Variants in EXOC3 observed in about 807,000 individuals in gnomAD.
The protein encoded by EXOC3 is SEC6-like 1.
In EXOC3, 21 loss-of-function variants were observed where a neutral mutation model predicts 73.7. The observed-to-expected ratio is 0.29, with a 90% confidence interval of 0.20 to 0.41. The LOEUF is 0.41. EXOC3 is among the 10% of genes least tolerant of loss of function. The pLI is 1.00. For missense variants in EXOC3, 842 were observed against 985.1 expected (o/e 0.85, Z 1.95); for synonymous variants, 410 against 389.1 (o/e 1.05, Z -0.63).
Position 465,196 on chromosome 5 carries a change from A to G in EXOC3, c.1862A>G (p.Glu621Gly), listed in dbSNP as rs779952402. The G allele has an allele frequency of 1.5e-5, 24 of 1,594,374 alleles. No individual in the cohort carries two copies. In the African/African-American group the frequency reaches 2.9e-4, roughly 20 times the overall value. Residue 621 changes from glutamate to glycine, a missense_variant, in exon 11 of 13, where the codon GAG (glutamate) becomes GGG (glycine). Glu to Gly is a moderately conservative substitution (Grantham distance 98). Transcript: ENST00000512944. Reference protein sequence around the residue: ...MQKRISFRSPEERKEGAEKMV... With the variant: ...MQKRISFRSPGERKEGAEKMV... Reference sequence around the variant, plus strand: ...AAGCGCATTTCCTTCCGGAGCCCGGAGGAGCGCAAGGAGGGTGCCGAGAAG... The same window carrying G: ...AAGCGCATTTCCTTCCGGAGCCCGGGGGAGCGCAAGGAGGGTGCCGAGAAG...
chr5:463,720 A>C (rs562640040), intron 9 of EXOC3, among the ~76,000 whole-genome samples: 3 of 152,342 alleles, frequency 2.0e-5, no homozygotes, highest in African/African-American at 7.2e-5. Context: ...TAATGTGTAT[A>C]CTTTTTGACT....
chr5:465,175 G>A lies in EXOC3; in HGVS notation c.1841G>A (p.Arg614His). 3 of 1,596,710 alleles carry A rather than the reference G, an allele frequency of 1.9e-6. No individual in the cohort carries two copies. Among genetic ancestry groups the A allele is most frequent in the Non-Finnish European group, 1.7e-6 (2 of 1,172,134 alleles). The change falls in exon 11 of 13, where the codon CGC (arginine) becomes CAC (histidine). Residue 614 changes from arginine to histidine, a missense_variant. Arg to His is a conservative substitution (Grantham distance 29). Transcript: ENST00000512944. ...TACCTGCGGGCGGTCATGCAGAAGCGCATTTCCTTCCGGAGCCCGGAGGAG... is the reference window on the plus strand; with the variant it reads ...TACCTGCGGGCGGTCATGCAGAAGCACATTTCCTTCCGGAGCCCGGAGGAG... Reference protein sequence around the residue: ...VEYLRAVMQKRISFRSPEERK... With the variant: ...VEYLRAVMQKHISFRSPEERK...
At chr5:452,240 C>T (rs1114664) in intron 3 of EXOC3, among the ~76,000 whole-genome samples, 69,260 of 152,046 alleles carry the variant, frequency 0.46, 16,750 homozygotes, top group African/African-American at 0.63. Flanking sequence ...CTTTCTGTTC[C>T]GGATACTTGA....
intron 12 of EXOC3, 92 bp downstream of exon 12, chr5:465,937 T>G: frequency 1.4e-6 from 2 of 1,434,842 alleles, no homozygotes; most frequent in Admixed American, 2.1e-5. Flanking sequence ...GGCTCCTGGT[T>G]CGCAAGTTCA....
At chr5:465,690 G>A (rs1379482965) in intron 11 of EXOC3, 28 bp from the exon 12 acceptor site, 5 of 1,613,272 alleles carry the variant, frequency 3.1e-6, no homozygotes, top group Admixed American at 1.7e-5. Flanking sequence ...AGCCGAGGGC[G>A]GCTCCTCACA....
chr5:462,227 C>T lies in EXOC3; in HGVS notation c.1573C>T (p.Pro525Ser). Residue 525 changes from proline (P) to serine (S), a missense_variant, in exon 9 of 13, where the codon CCC (proline) becomes TCC (serine). Physicochemically the swap from Pro to Ser is moderately conservative, Grantham distance 74. Coordinates refer to ENST00000512944, the MANE Select transcript of EXOC3 (RefSeq NM_007277.5). ...GGAAGAGGGTGTGTCTCCGAGCCAG[C>T]CCAGCATGGACGGGATTTTAGACGC... Reference protein sequence around the residue: ...EVEEGVSPSQPSMDGILDAIA... With the variant: ...EVEEGVSPSQSSMDGILDAIA... 1 of 1,613,942 alleles carries T rather than the reference C, an allele frequency of 6.2e-7. No individual in the cohort carries two copies. Among genetic ancestry groups the T allele is most frequent in the African/African-American group, 1.3e-5 (1 of 75,070 alleles).
intron 3 of EXOC3, among the ~76,000 whole-genome samples, chr5:450,643 A>G (rs1424503976): frequency 6.6e-6 from 1 of 152,186 alleles, no homozygotes; most frequent in Admixed American, 6.5e-5. Context: ...GCCTCCGACT[A>G]TTACAGAACT....
rs376707968 is a variant in EXOC3 at position 446,321 on chromosome 5, A to G, written c.116A>G (p.Lys39Arg). ...CAGTATCGCAGGAGAGAAGCGCGGA[A>G]GAAGGCCTCCGTGGAGGCCAGATTG... Reference protein sequence around the residue: ...VEQYRRREARKKASVEARLKA... With the variant: ...VEQYRRREARRKASVEARLKA... Residue 39 changes from lysine (K) to arginine (R), a missense_variant, in exon 2 of 13, where the codon AAG becomes AGG. By Grantham distance (26) the Lys-to-Arg change is conservative. Coordinates refer to ENST00000512944, the MANE Select transcript of EXOC3 (RefSeq NM_007277.5). The G allele has an allele frequency of 3.1e-6, 5 of 1,612,576 alleles. No individual in the cohort carries two copies. The highest frequency in any genetic ancestry group is 1.7e-5 in the Admixed American group (1 of 59,926).
chr5:457,449 C>G (rs1001754337), intron 5 of EXOC3: 4 of 236,396 alleles, frequency 1.7e-5, no homozygotes, highest in African/African-American at 6.8e-5. Context: ...GGTGCGTCCA[C>G]CTAGCAAGGC....
chr5:465,684 G>T, intron 11 of EXOC3, 34 bp from the exon 12 acceptor site: 2 of 1,613,014 alleles, frequency 1.2e-6, no homozygotes, highest in Admixed American at 1.7e-5. Flanking sequence ...CGGGACAGCC[G>T]AGGGCGGCTC....
At chr5:457,190 C>T in intron 5 of EXOC3, 184 bp downstream of exon 5, 1 of 595,292 alleles carries the variant, frequency 1.7e-6, no homozygotes. Flanking sequence ...GGAGAATGGC[C>T]CCTTCTCTGG....
chr5:466,473 C>T, intron 12 of EXOC3: 1 of 502,648 alleles, frequency 2.0e-6, no homozygotes, highest in African/African-American at 1.9e-5. Context: ...TCCACGGTCT[C>T]CCCTCTGGTT....
intron 4 of EXOC3, among the ~76,000 whole-genome samples, chr5:454,476 A>G (rs1205561392): frequency 3.3e-5 from 5 of 152,226 alleles, no homozygotes; most frequent in Non-Finnish European, 7.3e-5. Context: ...AGACCACTAC[A>G]TCACCTCCCT....
At chr5:450,610 A>G (rs757103412) in intron 3 of EXOC3, among the ~76,000 whole-genome samples, 1 of 152,062 alleles carries the variant, frequency 6.6e-6, no homozygotes, top group African/African-American at 2.4e-5. Flanking sequence ...TGTTCTGTCC[A>G]TTATTGAGAG....
intron 3 of EXOC3, among the ~76,000 whole-genome samples, chr5:450,416 T>C (rs528979907): frequency 6.6e-6 from 1 of 152,214 alleles, no homozygotes; most frequent in Non-Finnish European, 1.5e-5. Context: ...TTGTATGATA[T>C]TTATCTTTTA....
At chr5:450,658 G>A (rs1035300608) in intron 3 of EXOC3, among the ~76,000 whole-genome samples, 8 of 152,122 alleles carry the variant, frequency 5.3e-5, no homozygotes, top group African/African-American at 1.9e-4. Context: ...AGAACTGAAT[G>A]TTTTTCCCTT....
At chr5:464,672 T>A (rs1160818004) in intron 10 of EXOC3, 15 of 443,058 alleles carry the variant, frequency 3.4e-5, no homozygotes, top group Non-Finnish European at 5.8e-5. Flanking sequence ...CCGTCTTAGC[T>A]CCTTGCCTTC....
chr5:459,532 C>T, intron 7 of EXOC3, 73 bp downstream of exon 7: 2 of 674,820 alleles, frequency 3.0e-6, no homozygotes, highest in Non-Finnish European at 2.5e-6. Context: ...ATTTTTTGAT[C>T]CTACTATGCC....
At chr5:465,002 G>A in intron 10 of EXOC3, 109 bp from the exon 11 acceptor site, 1 of 1,175,516 alleles carries the variant, frequency 8.5e-7, no homozygotes, top group South Asian at 1.6e-5. Flanking sequence ...AGGAGGAGTG[G>A]GCTCAGAGCC....
Sources: gnomAD v4.1 joint callset for allele counts (sites outside exome capture counted in the v4.1 genomes callset) on GRCh38, gnomAD v4.1.1 for gene constraint, MANE v1.5 for transcripts, NCBI Gene and HGNC (gene_info 2026-07-23, HGNC 2026-07-21) for gene names.